FARS2: variants seen among roughly 807,000 people sequenced by gnomAD.
FARS2 encodes phenylalanyl-tRNA synthetase 2, mitochondrial.
A neutral mutation model predicts 46.4 loss-of-function variants in FARS2; 40 were observed. The ratio of observed to expected loss-of-function variants is 0.86; its 90% confidence interval spans 0.67 to 1.12. The LOEUF (loss-of-function observed/expected upper bound fraction) is 1.12. Ranked by LOEUF, FARS2 falls within the 50% of genes most tolerant of loss-of-function variation. FARS2 has a pLI of 0.00. For missense variants in FARS2, 513 were observed against 567.9 expected (o/e 0.90, Z 0.98); for synonymous variants, 234 against 214.9 (o/e 1.09, Z -0.78).
intron 6 of FARS2, among the ~76,000 whole-genome samples, chr6:5,656,644 G>A (rs1050676044): frequency 5.9e-5 from 9 of 151,932 alleles, no homozygotes; most frequent in South Asian, 2.1e-4. Flanking sequence ...TCCGCCTCCC[G>A]GGTTCAAGAG....
intron 1 of FARS2, among the ~76,000 whole-genome samples, chr6:5,335,589 T>C (rs1771097691): frequency 6.6e-6 from 1 of 152,234 alleles, no homozygotes; most frequent in African/African-American, 2.4e-5. Flanking sequence ...AACATGTTAT[T>C]GAGCAATTAG....
chr6:5,528,373 G>A (rs1481434876), intron 4 of FARS2, among the ~76,000 whole-genome samples: 1 of 152,048 alleles, frequency 6.6e-6, no homozygotes, highest in Non-Finnish European at 1.5e-5. Context: ...GACCATACTT[G>A]ACTGACTTTT....
chr6:5,467,073 A>G, intron 4 of FARS2: 1 of 985,326 alleles, frequency 1.0e-6, no homozygotes, highest in Non-Finnish European at 1.2e-6. Context: ...TTATTCTGTA[A>G]GTTGAATAGT....
At chr6:5,510,731 G>A (rs1284909973) in intron 4 of FARS2, among the ~76,000 whole-genome samples, 1 of 152,166 alleles carries the variant, frequency 6.6e-6, no homozygotes, top group Non-Finnish European at 1.5e-5. Flanking sequence ...GTAGTAGAAC[G>A]GGTTCCCAGC....
chr6:5,567,485 A>T (rs1028924375), intron 5 of FARS2, among the ~76,000 whole-genome samples: 41 of 152,338 alleles, frequency 2.7e-4, no homozygotes, highest in African/African-American at 9.9e-4. Context: ...GAAAATATAT[A>T]TCACATTTAG....
intron 6 of FARS2, among the ~76,000 whole-genome samples, chr6:5,742,106 C>G (rs538466206): frequency 1.3e-5 from 2 of 152,326 alleles, no homozygotes; most frequent in South Asian, 4.1e-4. Context: ...AGTCTCAATT[C>G]TAAGATGAAT....
rs1024662143 is a variant in FARS2, at chr6:5,539,396, A to ATATATATATATG, written c.905-5781_905-5780insATATATATGTAT. 1.5e-4 allele frequency among the ~76,000 whole-genome samples: 20 copies of ATATATATATATG among 136,500 alleles called. 2 individuals are homozygous for ATATATATATATG. Among genetic ancestry groups the ATATATATATATG allele is most frequent in the African/African-American group, 5.3e-4 (18 of 33,782 alleles). The allele number at this position is 136,500 out of a possible 152,430, so 89.5% of individuals were successfully genotyped here. On this transcript the variant is annotated intron_variant, in intron 4 of 6. Transcript: ENST00000274680. Reference sequence around the variant, plus strand: ...TAATTTTTTTTGTGTATATATATATATATGTATATATTTTTTTAGTAGAGA... The same window carrying ATATATATATATG: ...TAATTTTTTTTGTGTATATATATATATATATATATATGTATGTATATATTTTTTTAGTAGAGA...
chr6:5,605,043 CAG>C (rs1449990896), intron 5 of FARS2, among the ~76,000 whole-genome samples: 5 of 152,350 alleles, frequency 3.3e-5, no homozygotes, highest in African/African-American at 9.6e-5. Flanking sequence ...TGTGAGGAAA[CAG>C]AGTCATGTCG....
chr6:5,697,219 G>C (rs919626579), intron 6 of FARS2, among the ~76,000 whole-genome samples: 1 of 152,110 alleles, frequency 6.6e-6, no homozygotes, highest in African/African-American at 2.4e-5. Flanking sequence ...TTATGTCTAA[G>C]CAAAGAGAGC....
In FARS2 at chr6:5,382,745, A is replaced by G. The variant is rs1218169670; in HGVS notation, c.612+13563A>G. ...CTGTTTATATTAGTCAGGGTTCTCC[A>G]GAGCAACCGAACCAATAGGATATAG... On this transcript the variant is annotated intron_variant, in intron 2 of 6. Coordinates refer to ENST00000274680, the MANE Select transcript of FARS2 (RefSeq NM_006567.5). 2.0e-5 allele frequency among the ~76,000 whole-genome samples: 3 copies of G among 152,306 alleles called. No homozygotes were observed. In the East Asian group the frequency reaches 5.8e-4, roughly 29 times the overall value.
chr6:5,382,753 C>T (rs1047637329), intron 2 of FARS2, among the ~76,000 whole-genome samples: 4 of 151,918 alleles, frequency 2.6e-5, no homozygotes, highest in East Asian at 1.9e-4. Flanking sequence ...CCAGAGCAAC[C>T]GAACCAATAG....
intron 4 of FARS2, among the ~76,000 whole-genome samples, chr6:5,523,305 T>A (rs887148011): frequency 1.7e-4 from 26 of 152,104 alleles, no homozygotes; most frequent in Admixed American, 1.5e-3. Context: ...GGTGGTGAGC[T>A]GGGAAGGGTC....
intron 6 of FARS2, among the ~76,000 whole-genome samples, chr6:5,680,923 G>A (rs115365274): frequency 1.9e-3 from 291 of 152,252 alleles, no homozygotes; most frequent in African/African-American, 6.6e-3. Flanking sequence ...TCAAAGAAAT[G>A]TAATTTAAAA....
At chr6:5,538,370 G>A (rs886563411) in intron 4 of FARS2, among the ~76,000 whole-genome samples, 3 of 151,964 alleles carry the variant, frequency 2.0e-5, no homozygotes, top group Admixed American at 2.0e-4. Context: ...AGATAATCAG[G>A]GCAAAGAGGA....
At chr6:5,716,686 C>T (rs935498556) in intron 6 of FARS2, among the ~76,000 whole-genome samples, 9 of 152,206 alleles carry the variant, frequency 5.9e-5, no homozygotes, top group Non-Finnish European at 1.2e-4. Context: ...ACCCACAACT[C>T]CCTCCTTGGG....
Position 5,677,768 on chromosome 6 carries a change from G to A in FARS2, c.1217+64448G>A, listed in dbSNP as rs1000498413. On this transcript the variant is annotated intron_variant, in intron 6 of 6. Coordinates refer to ENST00000274680, the MANE Select transcript of FARS2 (RefSeq NM_006567.5). ...TTTCTCACACATATAGTTTTATCTC[G>A]CAGCTACTTGAAGGGTTCACATGTC... Among the ~76,000 whole-genome samples the A allele has an allele frequency of 3.8e-4, 58 of 152,236 alleles. 1 individual carries two copies. The highest frequency in any genetic ancestry group is 1.4e-3 in the African/African-American group (57 of 41,528).
At chr6:5,763,576 G>A (rs1762597002) in intron 6 of FARS2, among the ~76,000 whole-genome samples, 1 of 152,172 alleles carries the variant, frequency 6.6e-6, no homozygotes, top group Admixed American at 6.5e-5. Context: ...GCAAAAATGA[G>A]GCCAGTAGAG....
intron 5 of FARS2, among the ~76,000 whole-genome samples, chr6:5,563,434 C>T (rs558117572): frequency 4.9e-4 from 74 of 152,268 alleles, no homozygotes; most frequent in African/African-American, 1.7e-3. Flanking sequence ...ACTGGCCTGG[C>T]TCTAAGAGCC....
intron 2 of FARS2, among the ~76,000 whole-genome samples, chr6:5,392,906 TTA>T (rs1178806316): frequency 1.8e-4 from 16 of 87,638 alleles, no homozygotes; most frequent in East Asian, 6.3e-4. Context: ...TGTGTATATA[TTA>T]TATATATGTA....
Sources: gnomAD v4.1 joint callset for allele counts (sites outside exome capture counted in the v4.1 genomes callset) on GRCh38, gnomAD v4.1.1 for gene constraint, MANE v1.5 for transcripts, NCBI Gene and HGNC (gene_info 2026-07-23, HGNC 2026-07-21) for gene names.